The following COG7 variants were observed in gnomAD, a reference collection of about 807,000 sequenced individuals.
The protein encoded by COG7 is conserved oligomeric Golgi complex subunit 7.
Under a neutral mutation model 91.5 loss-of-function variants are expected in COG7, and 49 were observed. That is an observed-to-expected ratio of 0.54 (90% confidence interval 0.43 to 0.68). The LOEUF is 0.68. Among genes scored for constraint, COG7 ranks in the 30% least tolerant of loss-of-function variants. The probability of loss-of-function intolerance (pLI) is 0.00; values close to 1 mark genes in which losing one functional copy is unlikely to be tolerated. For synonymous variants in COG7, 365 were observed against 388.7 expected (o/e 0.94, Z 0.72); for missense variants, 895 against 961.3 (o/e 0.93, Z 0.91).
At position 23,398,899 on chromosome 16, in the gene COG7, T is replaced by C. The variant is rs780062017; in HGVS notation, c.1804-770A>G. Among the ~76,000 whole-genome samples, 28 of 152,040 alleles carry C rather than the reference T, an allele frequency of 1.8e-4. 1 individual carries two copies. Among genetic ancestry groups the C allele is most frequent in the Non-Finnish European group, 3.4e-4 (23 of 68,008 alleles). ...GTTGTTGTGGAAGCCTTCCCAGCAG[T>C]TTATATAGAGTTGGGTAAAGGACCT... On this transcript the variant is annotated intron_variant, in intron 13 of 16. Transcript: ENST00000307149.
At chr16:23,444,109 G>A (rs1046221476) in intron 3 of COG7, among the ~76,000 whole-genome samples, 1 of 151,130 alleles carries the variant, frequency 6.6e-6, no homozygotes, top group Non-Finnish European at 1.5e-5. Flanking sequence ...CTGTACTCCA[G>A]CCTGGGCTTC....
intron 12 of COG7, among the ~76,000 whole-genome samples, chr16:23,404,283 C>T (rs1193206254): frequency 2.0e-5 from 3 of 152,180 alleles, no homozygotes; most frequent in Non-Finnish European, 4.4e-5. Flanking sequence ...GGCTGAAAGC[C>T]AAAGTATGTA....
At chr16:23,393,466 C>T (rs1464719174) in intron 14 of COG7, 119 bp from the exon 15 acceptor site, 1 of 734,088 alleles carries the variant, frequency 1.4e-6, no homozygotes, top group Admixed American at 2.0e-5. Flanking sequence ...CGGGTGATCC[C>T]AAGTCTGATC....
At chr16:23,409,091 G>A (rs866412645) in intron 11 of COG7, among the ~76,000 whole-genome samples, 4 of 129,048 alleles carry the variant, frequency 3.1e-5, no homozygotes, top group Admixed American at 7.6e-5. Context: ...GTGTGTGTGC[G>A]TGCATGTGTG....
intron 14 of COG7, among the ~76,000 whole-genome samples, chr16:23,397,207 C>G (rs541926019): frequency 6.6e-6 from 1 of 152,322 alleles, no homozygotes; most frequent in East Asian, 1.9e-4. Flanking sequence ...CCATGCCCAG[C>G]CTAACATTTA....
At chr16:23,423,147 C>T (rs1963787212) in intron 7 of COG7, among the ~76,000 whole-genome samples, 1 of 151,782 alleles carries the variant, frequency 6.6e-6, no homozygotes, top group Non-Finnish European at 1.5e-5. Flanking sequence ...GGGTCGATCA[C>T]CTGAGGTCAT....
chr16:23,417,273 T>C (rs1288892761), intron 8 of COG7, 152 bp from the exon 9 acceptor site: 2 of 776,490 alleles, frequency 2.6e-6, no homozygotes, highest in East Asian at 2.7e-5. Context: ...CTCTAGAGCC[T>C]GAATCAAGGG....
At chr16:23,432,717 T>C (rs1963953540) in intron 6 of COG7, among the ~76,000 whole-genome samples, 1 of 152,106 alleles carries the variant, frequency 6.6e-6, no homozygotes, top group South Asian at 2.1e-4. Context: ...AGTTGCCACT[T>C]GAAACAAAGT....
At chr16:23,429,168 T>C (rs1963895041) in intron 6 of COG7, among the ~76,000 whole-genome samples, 1 of 152,048 alleles carries the variant, frequency 6.6e-6, no homozygotes, top group African/African-American at 2.4e-5. Context: ...TTTTGTATTT[T>C]CTGTAGAGAC....
At chr16:23,396,880 T>C (rs1401927988) in intron 14 of COG7, among the ~76,000 whole-genome samples, 1 of 151,802 alleles carries the variant, frequency 6.6e-6, no homozygotes, top group African/African-American at 2.4e-5. Flanking sequence ...GGGACTGCCA[T>C]GCACTTCTTG....
rs1963821183 is a variant in COG7, at chr16:23,424,924, C to T, written c.834G>A (p.Val278=). The change falls in exon 7 of 17, where the codon GTG becomes GTA. Residue 278 remains valine, a synonymous_variant. Coordinates refer to ENST00000307149, the MANE Select transcript of COG7 (RefSeq NM_153603.4). ...ATQVFQKPHE[V]VMVLLIQTLG... is the part of the protein sequence containing the mutation. The stretch of plus-strand genomic sequence containing the variant: ...GGGTCTGAATCAGCAGCACCATTAC[C>T]ACCTCGTGGGGCTTCTGGAAAACCT... 1.2e-6 allele frequency: 2 copies of T among 1,611,022 alleles called. No individual in the cohort carries two copies. The highest frequency in any genetic ancestry group is 2.7e-5 in the African/African-American group (2 of 74,892).
At chr16:23,400,183 G>A (rs1963350930) in intron 13 of COG7, among the ~76,000 whole-genome samples, 1 of 152,128 alleles carries the variant, frequency 6.6e-6, no homozygotes, top group African/African-American at 2.4e-5. Flanking sequence ...ACTAGCCCTG[G>A]GGAGGGTTTT....
At chr16:23,449,426 T>A (rs971489717) in intron 1 of COG7, among the ~76,000 whole-genome samples, 14 of 119,910 alleles carry the variant, frequency 1.2e-4, no homozygotes, top group Admixed American at 4.3e-4. Flanking sequence ...TAAAATAAAA[T>A]AAAAAATAAA....
At chr16:23,405,324 T>G (rs935906375) in intron 12 of COG7, among the ~76,000 whole-genome samples, 3 of 152,074 alleles carry the variant, frequency 2.0e-5, no homozygotes, top group African/African-American at 7.2e-5. Context: ...CCTCCTGGTA[T>G]CCTGGGTTGG....
intron 12 of COG7, among the ~76,000 whole-genome samples, chr16:23,404,517 G>C (rs568026833): frequency 6.6e-6 from 1 of 152,234 alleles, no homozygotes; most frequent in African/African-American, 2.4e-5. Context: ...CCAGTTGGTG[G>C]GTCAAGGTGC....
chr16:23,421,031 C>CGCT (rs1408555992), intron 7 of COG7, among the ~76,000 whole-genome samples: 1 of 149,462 alleles, frequency 6.7e-6, no homozygotes, highest in Non-Finnish European at 1.5e-5. Flanking sequence ...ATTACAGGTG[C>CGCT]GAGCCCCCAT....
intron 6 of COG7, among the ~76,000 whole-genome samples, chr16:23,427,018 G>T (rs1300976630): frequency 6.6e-6 from 1 of 152,074 alleles, no homozygotes; most frequent in Admixed American, 6.6e-5. Context: ...GGAGGCTAAG[G>T]TGGGAGGATC....
chr16:23,444,472 C>A (rs1042916423), intron 3 of COG7, among the ~76,000 whole-genome samples: 1 of 151,682 alleles, frequency 6.6e-6, no homozygotes, highest in African/African-American at 2.4e-5. Flanking sequence ...CCATTTACCC[C>A]CAACCTTCTC....
At chr16:23,397,188 C>T (rs1440150959) in intron 14 of COG7, among the ~76,000 whole-genome samples, 3 of 152,216 alleles carry the variant, frequency 2.0e-5, no homozygotes, top group Non-Finnish European at 4.4e-5. Flanking sequence ...TGACTATAAG[C>T]ATGAGCCACC....
Sources: gnomAD v4.1 joint callset for allele counts (sites outside exome capture counted in the v4.1 genomes callset) on GRCh38, gnomAD v4.1.1 for gene constraint, MANE v1.5 for transcripts, NCBI Gene and HGNC (gene_info 2026-07-23, HGNC 2026-07-21) for gene names.